Variants in UBLCP1 observed in about 807,000 individuals in gnomAD.
UBLCP1 encodes ubiquitin-like domain-containing CTD phosphatase 1.
In UBLCP1, 28 loss-of-function variants were observed where a neutral mutation model predicts 42.4. That is an observed-to-expected ratio of 0.66 (90% CI 0.49 to 0.90). The LOEUF (loss-of-function observed/expected upper bound fraction) is 0.90, where lower values mean the gene tolerates loss of function less well. Ranked by LOEUF, UBLCP1 falls within the 40% of genes least tolerant of loss-of-function variation. UBLCP1 has a pLI of 0.00. For synonymous variants in UBLCP1, 122 were observed against 120.8 expected (o/e 1.01, Z -0.07); for missense variants, 279 against 374.5 (o/e 0.75, Z 2.10).
At position 159,285,767 on chromosome 5, in the gene UBLCP1, GA is replaced by G. The variant is rs1412193108; in HGVS notation, c.*838del. On this transcript the variant is annotated 3_prime_UTR_variant, in exon 11 of 11. Coordinates refer to ENST00000296786, the MANE Select transcript of UBLCP1 (RefSeq NM_145049.5). ...TCACTGATTCATTCCTAAAAAGCATGAACAAAAAGTTTTTGTTCTGTTCCAG... is the reference window on the plus strand; with the variant it reads ...TCACTGATTCATTCCTAAAAAGCATGACAAAAAGTTTTTGTTCTGTTCCAG... 4 of 152,606 alleles carry G rather than the reference GA, an allele frequency of 2.6e-5. No homozygotes were observed. Among genetic ancestry groups the G allele is most frequent in the African/African-American group, 9.7e-5 (4 of 41,422 alleles). 9.5% of individuals were successfully genotyped at this position (152,606 alleles called of 1,614,324 possible). A position where few individuals can be genotyped will look rare whatever the true frequency, so the allele number is the denominator to read the frequency against.
chr5:159,283,487 A>T lies in UBLCP1; in HGVS notation c.929+148A>T. The T allele has an allele frequency of 6.3e-6, 4 of 639,826 alleles. No homozygotes were observed. The South Asian group carries it at 1.0e-4, about 16-fold the overall frequency. 39.6% of individuals were successfully genotyped at this position (639,826 alleles called of 1,614,324 possible). A position where few individuals can be genotyped will look rare whatever the true frequency, so the allele number is the denominator to read the frequency against. On this transcript the variant is annotated intron_variant, in intron 10 of 10. Transcript: ENST00000296786. Reference sequence around the variant, plus strand: ...AAAACATTTTCTAATCCAGTGACCTACCCCCAAAAGTATTTTCCCCTTTCA... The same window carrying T: ...AAAACATTTTCTAATCCAGTGACCTTCCCCCAAAAGTATTTTCCCCTTTCA...
rs967201096 is a variant in UBLCP1 at position 159,270,241 on chromosome 5, A to T, written c.247-119A>T. The T allele has an allele frequency of 4.5e-6, 4 of 889,078 alleles. No homozygotes were observed. In the African/African-American group the frequency reaches 6.8e-5, roughly 15 times the overall value. 55.1% of individuals were successfully genotyped at this position (889,078 alleles called of 1,614,324 possible). A position where few individuals can be genotyped will look rare whatever the true frequency, so the allele number is the denominator to read the frequency against. On this transcript the variant is annotated intron_variant, in intron 3 of 10. Transcript: ENST00000296786. ...GAATTATTAATTGTGGAAATTTTCC[A>T]GTATGGGCTTAAAAGACTCTGGAAC...
intron 1 of UBLCP1, among the ~76,000 whole-genome samples, chr5:159,263,597 TC>T (rs1459832829): frequency 6.6e-6 from 1 of 152,170 alleles, no homozygotes; most frequent in African/African-American, 2.4e-5. Flanking sequence ...GGGTTTTGCG[TC>T]CCCAAACTTC....
At chr5:159,270,102 C>A in intron 3 of UBLCP1, 103 bp downstream of exon 3, 3 of 1,058,256 alleles carry the variant, frequency 2.8e-6, no homozygotes, top group Admixed American at 2.9e-5. Context: ...GTCAGTCTAG[C>A]AATCAATGAA....
intron 1 of UBLCP1, among the ~76,000 whole-genome samples, chr5:159,264,842 C>T (rs936411979): frequency 2.0e-5 from 3 of 152,208 alleles, no homozygotes; most frequent in African/African-American, 7.2e-5. Flanking sequence ...ATCACTTGTC[C>T]AGGGTCACCT....
chr5:159,278,298 A>G lies in UBLCP1; in HGVS notation c.745A>G (p.Ile249Val), dbSNP rs922137421. Reference protein sequence around the residue: ...FSEFYSKKNTIMFDDIGRNFL... With the variant: ...FSEFYSKKNTVMFDDIGRNFL... ...GGAGTTTTACAGCAAGAAAAACACCATTATGTTTGATGACATAGGGAGAAA... is the reference window on the plus strand; with the variant it reads ...GGAGTTTTACAGCAAGAAAAACACCGTTATGTTTGATGACATAGGGAGAAA... Residue 249 changes from isoleucine (I) to valine (V), a missense_variant, in exon 9 of 11, where the codon ATT becomes GTT. Physicochemically the swap from Ile to Val is conservative, Grantham distance 29. Transcript: ENST00000296786. 7.4e-6 allele frequency: 12 copies of G among 1,613,890 alleles called. No homozygotes were observed. Among genetic ancestry groups the G allele is most frequent in the African/African-American group, 5.3e-5 (4 of 74,938 alleles).
rs750755638 is a variant in UBLCP1 at position 159,270,662 on chromosome 5, C to G, written c.448+19C>G. The G allele has an allele frequency of 6.9e-7, 1 of 1,455,848 alleles. No homozygotes were observed. Among genetic ancestry groups the G allele is most frequent in the Non-Finnish European group, 9.3e-7 (1 of 1,080,656 alleles). The allele number at this position is 1,455,848 out of a possible 1,614,324, so 90.2% of individuals were successfully genotyped here. ...TTATTTGGTAAGTCAGTTAAGAATG[C>G]TTTTCATTTTCTGTTACCCACAACA... is the stretch of plus-strand genomic sequence containing the variant. On this transcript the variant is annotated intron_variant, in intron 5 of 10. Coordinates refer to ENST00000296786, the MANE Select transcript of UBLCP1 (RefSeq NM_145049.5).
Position 159,277,114 on chromosome 5 carries a change from A to C in UBLCP1, c.685-1124A>C, listed in dbSNP as rs148967515. On this transcript the variant is annotated intron_variant, in intron 8 of 10. Transcript: ENST00000296786. ...TATTTCTTGAGGCTTTTGTTAGCTA[A>C]AAATCCACAAAATATGGCTTATTGT... 5.5e-3 allele frequency among the ~76,000 whole-genome samples: 832 copies of C among 152,226 alleles called. 8 individuals carry two copies. Among genetic ancestry groups the C allele is most frequent in the African/African-American group, 0.019 (798 of 41,522 alleles).
intron 6 of UBLCP1, 123 bp downstream of exon 6, chr5:159,272,244 A>G (rs955746790): frequency 6.3e-5 from 47 of 749,400 alleles, no homozygotes; most frequent in Middle Eastern, 3.8e-4. Context: ...ATTTTTTAGC[A>G]AATTTCTAAA....
chr5:159,280,859 G>A (rs1164175432), intron 9 of UBLCP1, among the ~76,000 whole-genome samples: 1 of 152,154 alleles, frequency 6.6e-6, no homozygotes, highest in Non-Finnish European at 1.5e-5. Context: ...CAGTTTATCG[G>A]CTGAAAACTC....
chr5:159,276,229 A>G (rs1243513472), intron 8 of UBLCP1, among the ~76,000 whole-genome samples: 2 of 152,218 alleles, frequency 1.3e-5, no homozygotes, highest in East Asian at 1.9e-4. Context: ...CGGTGGTTGC[A>G]GTGAGCTAAG....
chr5:159,282,896 A>G (rs1239885852), intron 9 of UBLCP1, among the ~76,000 whole-genome samples: 2 of 152,096 alleles, frequency 1.3e-5, no homozygotes, highest in Non-Finnish European at 2.9e-5. Context: ...ATTAGAAGCA[A>G]CTAGAATGAT....
In UBLCP1 at chr5:159,266,789, G is replaced by A. The variant is rs1753399617; in HGVS notation, c.-46-2081G>A. ...CTGAAAGGGGCCAACTTACAGCTTG[G>A]GCTGTGGCTTCAGAGGGTGGAAGCC... On this transcript the variant is annotated intron_variant, in intron 1 of 10. Transcript: ENST00000296786. Among the ~76,000 whole-genome samples, 5 of 152,316 alleles carry A rather than the reference G, an allele frequency of 3.3e-5. No homozygotes were observed. In the South Asian group the frequency reaches 1.0e-3, roughly 32 times the overall value.
At chr5:159,274,020 A>G (rs921331815) in intron 6 of UBLCP1, among the ~76,000 whole-genome samples, 1 of 152,184 alleles carries the variant, frequency 6.6e-6, no homozygotes, top group Non-Finnish European at 1.5e-5. Flanking sequence ...GACAATGAGC[A>G]GATACATGAT....
chr5:159,284,781 C>A, intron 10 of UBLCP1, 123 bp from the exon 11 acceptor site: 2 of 939,442 alleles, frequency 2.1e-6, no homozygotes, highest in Non-Finnish European at 3.4e-6. Context: ...ATGTAAGTGA[C>A]TATTAAGAAT....
At chr5:159,282,001 T>C (rs968931362) in intron 9 of UBLCP1, among the ~76,000 whole-genome samples, 3 of 152,220 alleles carry the variant, frequency 2.0e-5, no homozygotes, top group Non-Finnish European at 2.9e-5. Context: ...TATGATTTTT[T>C]TTTAACGATA....
chr5:159,277,182 G>A (rs1201726273), intron 8 of UBLCP1, among the ~76,000 whole-genome samples: 2 of 151,450 alleles, frequency 1.3e-5, no homozygotes, highest in Non-Finnish European at 2.9e-5. Flanking sequence ...GGGGGAGTAG[G>A]GGGCGGTTTC....
chr5:159,274,484 T>G, intron 6 of UBLCP1, 101 bp from the exon 7 acceptor site: 1 of 967,544 alleles, frequency 1.0e-6, no homozygotes. Context: ...TTCTGATGCA[T>G]TTAAACTTTT....
Position 159,270,421 on chromosome 5 carries a change from A to G in UBLCP1, c.308A>G (p.Asp103Gly), listed in dbSNP as rs1753449383. The G allele has an allele frequency of 1.2e-6, 2 of 1,613,442 alleles. No homozygotes were observed. Among genetic ancestry groups the G allele is most frequent in the Non-Finnish European group, 1.7e-6 (2 of 1,179,680 alleles). ...GTTGTTAATGACTTTGATATTGAAG[A>G]TGAAGTAGTTGAAGTAGAAAATAGG... ...DDVVNDFDIE[D>G]EVVEVENREE... is the part of the protein sequence containing the mutation. Residue 103 changes from aspartate to glycine, a missense_variant, in exon 4 of 11, where the codon GAT (aspartate) becomes GGT (glycine). Asp to Gly is a moderately conservative substitution (Grantham distance 94, BLOSUM62 -1). Transcript: ENST00000296786.
Sources: gnomAD v4.1 joint callset for allele counts (sites outside exome capture counted in the v4.1 genomes callset) on GRCh38, gnomAD v4.1.1 for gene constraint, MANE v1.5 for transcripts, NCBI Gene and HGNC (gene_info 2026-07-23, HGNC 2026-07-21) for gene names.